The following KIAA1217 variants were observed in gnomAD, a reference collection of about 807,000 sequenced individuals.
KIAA1217 encodes the protein sickle tail protein homolog.
In KIAA1217, 88 loss-of-function variants were observed where a neutral mutation model predicts 163.9. The observed-to-expected ratio is 0.54, with a 90% CI of 0.45 to 0.64. The LOEUF is 0.64. Ranked by LOEUF, KIAA1217 falls within the 30% of genes least tolerant of loss-of-function variation. The probability of loss-of-function intolerance (pLI) is 0.00; values close to 1 mark genes in which losing one functional copy is unlikely to be tolerated. For missense variants in KIAA1217, 2,372 were observed against 2,475.0 expected (o/e 0.96, Z 0.88); for synonymous variants, 903 against 923.1 (o/e 0.98, Z 0.39).
At chr10:23,995,027 A>T (rs556382622) in intron 1 of KIAA1217, among the ~76,000 whole-genome samples, 2 of 152,334 alleles carry the variant, frequency 1.3e-5, no homozygotes, top group South Asian at 4.1e-4. Context: ...TGTCTTTTAA[A>T]GTGTTGCCTC....
intron 2 of KIAA1217, among the ~76,000 whole-genome samples, chr10:24,017,932 C>T (rs928511660): frequency 2.6e-5 from 4 of 152,080 alleles, no homozygotes; most frequent in Non-Finnish European, 5.9e-5. Flanking sequence ...TTGCTTGCCT[C>T]ACTGTTTAGG....
chr10:23,842,426 C>T (rs2131070956), intron 1 of KIAA1217, among the ~76,000 whole-genome samples: 1 of 152,236 alleles, frequency 6.6e-6, no homozygotes, highest in Non-Finnish European at 1.5e-5. Flanking sequence ...AAAAGGCAGT[C>T]TTCAAAACAG....
intron 1 of KIAA1217, among the ~76,000 whole-genome samples, chr10:23,722,847 A>T (rs556662886): frequency 3.3e-5 from 5 of 152,294 alleles, no homozygotes; most frequent in African/African-American, 1.2e-4. Context: ...CAGCAAGGAG[A>T]TACCATAGTT....
At chr10:24,378,906 A>G (rs767720781) in intron 2 of KIAA1217, among the ~76,000 whole-genome samples, 2 of 152,162 alleles carry the variant, frequency 1.3e-5, no homozygotes, top group African/African-American at 2.4e-5. Flanking sequence ...TGATTTTTCT[A>G]CTTACCTACC....
chr10:23,847,770 G>T (rs1215040711), intron 1 of KIAA1217, among the ~76,000 whole-genome samples: 12 of 152,002 alleles, frequency 7.9e-5, no homozygotes, highest in Non-Finnish European at 1.0e-4. Context: ...TTTTGAATTT[G>T]TTTGCTCTTG....
chr10:23,991,641 T>C (rs74124847), intron 1 of KIAA1217, among the ~76,000 whole-genome samples: 4,356 of 152,302 alleles, frequency 0.029, 185 homozygotes, highest in African/African-American at 0.099. Context: ...TATATCTAGA[T>C]ATTCATATAT....
At chr10:23,932,576 T>C (rs1589102362) in intron 1 of KIAA1217, among the ~76,000 whole-genome samples, 1 of 152,284 alleles carries the variant, frequency 6.6e-6, no homozygotes, top group African/African-American at 2.4e-5. Flanking sequence ...ATATAAACTT[T>C]CCCAGAGGCT....
chr10:24,461,260 T>C (rs1395961846), intron 5 of KIAA1217, among the ~76,000 whole-genome samples: 2 of 152,230 alleles, frequency 1.3e-5, no homozygotes, highest in East Asian at 3.8e-4. Context: ...CCTAAAGTTA[T>C]ATAACACTCC....
chr10:23,873,083 A>G (rs1325095200), intron 1 of KIAA1217, among the ~76,000 whole-genome samples: 1 of 152,104 alleles, frequency 6.6e-6, no homozygotes, highest in Admixed American at 6.6e-5. Flanking sequence ...AAAAACATGA[A>G]CCAAGTTAGA....
In KIAA1217 at chr10:24,317,270, A is replaced by C. The variant is rs530678112; in HGVS notation, c.355-63599A>C. On this transcript the variant is annotated intron_variant, in intron 2 of 20. Transcript: ENST00000376454. ...GGGTCTTTTGTCCGCATTTAATTTT[A>C]TTTTGTTACTTTTTATTTATTTATT... Among the ~76,000 whole-genome samples, 41 of 152,082 alleles carry C rather than the reference A, an allele frequency of 2.7e-4. No homozygotes were observed. In the Middle Eastern group the frequency reaches 0.02, roughly 76 times the overall value.
intron 1 of KIAA1217, among the ~76,000 whole-genome samples, chr10:23,938,628 A>G (rs1393144106): frequency 6.6e-6 from 1 of 152,132 alleles, no homozygotes; most frequent in East Asian, 1.9e-4. Flanking sequence ...GGGCATTTAC[A>G]TTGCATTAGG....
chr10:23,994,497 C>T (rs1040385951), intron 1 of KIAA1217, among the ~76,000 whole-genome samples: 3 of 152,266 alleles, frequency 2.0e-5, no homozygotes, highest in Admixed American at 2.0e-4. Context: ...TTCTACTACC[C>T]AGGTCAAGCT....
intron 6 of KIAA1217, among the ~76,000 whole-genome samples, chr10:24,490,688 A>C (rs1176022906): frequency 6.6e-6 from 1 of 152,170 alleles, no homozygotes; most frequent in Non-Finnish European, 1.5e-5. Context: ...TTTGGTCAAG[A>C]GAGTAGAGCA....
intron 1 of KIAA1217, among the ~76,000 whole-genome samples, chr10:23,818,345 T>TATAA (rs202076659): frequency 4.9e-4 from 66 of 134,820 alleles, no homozygotes; most frequent in African/African-American, 1.8e-3. Flanking sequence ...TATATATATA[T>TATAA]AAAAAAATAT....
In KIAA1217 at chr10:24,543,941, G is replaced by C. The variant is rs752627385; in HGVS notation, c.4671G>C (p.Lys1557Asn). ...TGGATTCTCCAAATTCGGAATGCAAGGGTGAGGACGCGACCGATGACCAGT... is the reference window on the plus strand; with the variant it reads ...TGGATTCTCCAAATTCGGAATGCAACGGTGAGGACGCGACCGATGACCAGT... ...SHVDSPNSEC[K>N]GEDATDDQFE... The change falls in exon 19 of 21, where the codon AAG becomes AAC. Residue 1557 changes from lysine to asparagine, a missense_variant. This residue lies in a region of KIAA1217 where 690 missense variants were observed against 677.5 expected (regional missense o/e 1.02). Transcript: ENST00000376454. 1 of 1,614,038 alleles carries C rather than the reference G, an allele frequency of 6.2e-7. No homozygotes were observed. Among genetic ancestry groups the C allele is most frequent in the Non-Finnish European group, 8.5e-7 (1 of 1,180,024 alleles).
chr10:23,946,908 G>A (rs1296025341), intron 1 of KIAA1217, among the ~76,000 whole-genome samples: 1 of 152,132 alleles, frequency 6.6e-6, no homozygotes, highest in Non-Finnish European at 1.5e-5. Context: ...ACGTTTCGTG[G>A]GAGGGACCCA....
chr10:24,021,761 A>T (rs1350678644), intron 2 of KIAA1217, among the ~76,000 whole-genome samples: 1 of 151,916 alleles, frequency 6.6e-6, no homozygotes, highest in African/African-American at 2.4e-5. Context: ...AGATAAATAG[A>T]CAGTGGAACA....
At chr10:23,718,679 TAA>T (rs1837701544) in intron 1 of KIAA1217, among the ~76,000 whole-genome samples, 1 of 151,424 alleles carries the variant, frequency 6.6e-6, no homozygotes, top group Admixed American at 6.6e-5. Flanking sequence ...TGAAAAAACA[TAA>T]GTGATAGGAT....
At chr10:24,454,664 T>C (rs2061632146) in intron 5 of KIAA1217, among the ~76,000 whole-genome samples, 1 of 152,140 alleles carries the variant, frequency 6.6e-6, no homozygotes, top group Non-Finnish European at 1.5e-5. Flanking sequence ...AATGAGCATC[T>C]AGTGCCAGTC....
Sources: gnomAD v4.1 joint callset for allele counts (sites outside exome capture counted in the v4.1 genomes callset) on GRCh38, gnomAD v4.1.1 for gene constraint, gnomAD v4.1.1 regional missense constraint, MANE v1.5 for transcripts, NCBI Gene and HGNC (gene_info 2026-07-23, HGNC 2026-07-21) for gene names.